Variants in MND1 observed in about 807,000 individuals in gnomAD.
The protein encoded by MND1 is meiotic nuclear divisions 1, also known as meiotic nuclear division protein 1 homolog.
Under a neutral mutation model 35.1 loss-of-function variants are expected in MND1, and 28 were observed. The ratio of observed to expected loss-of-function variants is 0.80; its 90% CI spans 0.59 to 1.09. MND1 has a LOEUF of 1.09. Ranked by LOEUF, MND1 falls within the 50% of genes least tolerant of loss-of-function variation. The pLI, the probability that MND1 is intolerant of heterozygous loss-of-function variation, is 0.00. For synonymous variants in MND1, 69 were observed against 70.5 expected, an observed-to-expected ratio of 0.98 and a Z score of 0.11; for missense variants, 213 against 239.6, an observed-to-expected ratio of 0.89 and a Z score of 0.73.
intron 6 of MND1, among the ~76,000 whole-genome samples, chr4:153,404,243 G>A (rs1275129770): frequency 2.9e-5 from 4 of 138,944 alleles, no homozygotes; most frequent in Non-Finnish European, 6.0e-5. Flanking sequence ...GTGCAGTGGC[G>A]TGATCTCAGC....
At chr4:153,402,924 G>C (rs1463731654) in intron 6 of MND1, among the ~76,000 whole-genome samples, 1 of 152,182 alleles carries the variant, frequency 6.6e-6, no homozygotes, top group East Asian at 1.9e-4. Flanking sequence ...AAGATTGCTT[G>C]AGCCCAAGAG....
chr4:153,407,105 G>C (rs1729534325), intron 6 of MND1, among the ~76,000 whole-genome samples: 1 of 152,198 alleles, frequency 6.6e-6, no homozygotes, highest in Non-Finnish European at 1.5e-5. Flanking sequence ...AATTCAAGAT[G>C]AGATTTGAGT....
intron 6 of MND1, among the ~76,000 whole-genome samples, chr4:153,404,860 G>T (rs1024754217): frequency 6.6e-6 from 1 of 151,940 alleles, no homozygotes; most frequent in African/African-American, 2.4e-5. Flanking sequence ...ATTAGTAGCT[G>T]GGACTAGAAG....
chr4:153,394,905 C>G (rs1579944680), intron 5 of MND1, among the ~76,000 whole-genome samples: 1 of 152,152 alleles, frequency 6.6e-6, no homozygotes, highest in Non-Finnish European at 1.5e-5. Context: ...TTTTAAAAGT[C>G]ATTTCACTTT....
chr4:153,412,784 A>G (rs1274971510), intron 7 of MND1, among the ~76,000 whole-genome samples: 1 of 148,148 alleles, frequency 6.8e-6, no homozygotes, highest in African/African-American at 2.5e-5. Context: ...CACCGCAACC[A>G]GCCAATCCTT....
intron 4 of MND1, among the ~76,000 whole-genome samples, chr4:153,369,455 A>G (rs1253823376): frequency 6.6e-6 from 1 of 152,250 alleles, no homozygotes. Flanking sequence ...GAATAATGCA[A>G]TAAAGTGAGG....
intron 4 of MND1, among the ~76,000 whole-genome samples, chr4:153,379,648 G>A (rs913261516): frequency 2.0e-4 from 31 of 151,798 alleles, no homozygotes; most frequent in African/African-American, 6.5e-4. Context: ...TCAGGAGTTC[G>A]AAACCAGCCT....
At chr4:153,414,723 C>A in intron 7 of MND1, 28 bp from the exon 8 acceptor site, 2 of 1,042,744 alleles carry the variant, frequency 1.9e-6, no homozygotes, top group Non-Finnish European at 2.8e-6. Context: ...GTGTTTTTCT[C>A]AAAATTATTT....
rs375418581 is a variant in MND1, at chr4:153,394,393, C to T, written c.351+57C>T. The T allele has an allele frequency of 1.7e-3, 2,252 of 1,350,406 alleles. 5 individuals are homozygous for T. The highest frequency in any genetic ancestry group is 2.1e-3 in the Non-Finnish European group (2,067 of 970,046). The allele number at this position is 1,350,406 out of a possible 1,614,324, so 83.7% of individuals were successfully genotyped here. A position where few individuals can be genotyped will look rare whatever the true frequency, so the allele number is the denominator to read the frequency against. Reference sequence around the variant, plus strand: ...TGGCAATTCTAAATATTAGAGTAAGCGACACAGAGCTTCCTGTGAGGAGGA... The same window carrying T: ...TGGCAATTCTAAATATTAGAGTAAGTGACACAGAGCTTCCTGTGAGGAGGA... On this transcript the variant is annotated intron_variant, in intron 5 of 7. Coordinates refer to ENST00000240488, the MANE Select transcript of MND1 (RefSeq NM_032117.4).
chr4:153,403,239 C>T (rs116283076), intron 6 of MND1, among the ~76,000 whole-genome samples: 2,103 of 152,292 alleles, frequency 0.014, 47 homozygotes, highest in African/African-American at 0.048. Flanking sequence ...TGTTCACATT[C>T]TCAGTGAAGA....
chr4:153,392,483 T>G (rs943869927), intron 4 of MND1, among the ~76,000 whole-genome samples: 6 of 151,252 alleles, frequency 4.0e-5, no homozygotes, highest in African/African-American at 1.5e-4. Flanking sequence ...GTGTTTATAA[T>G]TCAAGAGTGA....
chr4:153,397,541 G>C (rs1234310001), intron 6 of MND1, among the ~76,000 whole-genome samples: 1 of 152,140 alleles, frequency 6.6e-6, no homozygotes, highest in African/African-American at 2.4e-5. Context: ...AATGTGCCGG[G>C]CACGTTGGCT....
At chr4:153,370,382 G>T (rs1773761204) in intron 4 of MND1, among the ~76,000 whole-genome samples, 1 of 151,910 alleles carries the variant, frequency 6.6e-6, no homozygotes, top group African/African-American at 2.4e-5. Flanking sequence ...TCTTATTCTT[G>T]CCATTTCCAC....
chr4:153,412,797 CTTCTTTTTT>C (rs1311360001), intron 7 of MND1, among the ~76,000 whole-genome samples: 1 of 143,648 alleles, frequency 7.0e-6, no homozygotes, highest in Non-Finnish European at 1.5e-5. Flanking sequence ...CAATCCTTTT[CTTCTTTTTT>C]TTCTTTTTTT....
At chr4:153,356,786 T>TTTTA (rs540830199) in intron 3 of MND1, among the ~76,000 whole-genome samples, 2 of 151,838 alleles carry the variant, frequency 1.3e-5, no homozygotes, top group Admixed American at 1.3e-4. Context: ...GCATATTTTA[T>TTTTA]TTTATTTATT....
At chr4:153,406,621 T>A (rs918652862) in intron 6 of MND1, among the ~76,000 whole-genome samples, 1 of 152,030 alleles carries the variant, frequency 6.6e-6, no homozygotes, top group Middle Eastern at 3.2e-3. Context: ...AAAGAACTCA[T>A]AATACAACAA....
intron 4 of MND1, 123 bp downstream of exon 4, chr4:153,358,745 AAG>A: frequency 1.1e-6 from 1 of 888,882 alleles, no homozygotes; most frequent in Non-Finnish European, 1.6e-6. Flanking sequence ...TGAAAGTCTA[AAG>A]ATAATTAACA....
At chr4:153,358,290 G>T (rs1561057047) in intron 3 of MND1, among the ~76,000 whole-genome samples, 184 bp from the exon 4 acceptor site, 1 of 152,146 alleles carries the variant, frequency 6.6e-6, no homozygotes, top group Admixed American at 6.5e-5. Context: ...TAAGGATGGG[G>T]ATACATTCTA....
At chr4:153,355,564 T>G in intron 2 of MND1, 90 bp from the exon 3 acceptor site, 1 of 735,872 alleles carries the variant, frequency 1.4e-6, no homozygotes, top group East Asian at 2.8e-5. Context: ...ACAACTATTA[T>G]GTACCCATAA....
Sources: allele counts gnomAD v4.1 joint callset (sites outside exome capture counted in the v4.1 genomes callset), GRCh38; gene constraint gnomAD v4.1.1; transcripts MANE v1.5; gene names NCBI Gene and HGNC (gene_info 2026-07-23, HGNC 2026-07-21).